Variants in CALN1 observed in about 807,000 individuals in gnomAD.
CALN1 encodes calneuron 1, also known as calcium-binding protein 8.
In CALN1, 17 loss-of-function variants were observed where a neutral mutation model predicts 30.6. The observed-to-expected ratio is 0.56, with a 90% CI of 0.38 to 0.83. The LOEUF is 0.83. CALN1 is among the 40% of genes least tolerant of loss of function. CALN1 has a pLI of 0.00. For synonymous variants in CALN1, 156 were observed against 131.4 expected, an observed-to-expected ratio of 1.19 and a Z score of -1.28; for missense variants, 291 against 354.9, an observed-to-expected ratio of 0.82 and a Z score of 1.45.
intron 1 of CALN1, among the ~76,000 whole-genome samples, chr7:72,423,220 T>G (rs1807675828): frequency 6.6e-6 from 1 of 152,234 alleles, no homozygotes; most frequent in African/African-American, 2.4e-5. Context: ...CTTGTACTAT[T>G]GTATTTTTCT....
chr7:72,129,179 A>G (rs1461409555), intron 3 of CALN1, among the ~76,000 whole-genome samples: 1 of 152,236 alleles, frequency 6.6e-6, no homozygotes, highest in Non-Finnish European at 1.5e-5. Flanking sequence ...TTGTATACTT[A>G]TATTTCACCT....
chr7:71,897,382 AAG>A (rs1793588342), intron 5 of CALN1, among the ~76,000 whole-genome samples: 1 of 152,196 alleles, frequency 6.6e-6, no homozygotes, highest in African/African-American at 2.4e-5. Flanking sequence ...CTGAGCTTGT[AAG>A]AGAGAAAGAA....
At chr7:72,394,104 G>A (rs1045536356) in intron 2 of CALN1, among the ~76,000 whole-genome samples, 7 of 152,132 alleles carry the variant, frequency 4.6e-5, no homozygotes, top group Non-Finnish European at 7.3e-5. Context: ...TAATATGTAT[G>A]GTGGAGTGCA....
chr7:71,810,755 T>C (rs1787901792), intron 5 of CALN1, among the ~76,000 whole-genome samples: 2 of 152,220 alleles, frequency 1.3e-5, no homozygotes, highest in Admixed American at 1.3e-4. Flanking sequence ...TCTGGTTTCC[T>C]ATTCATCCAG....
At chr7:72,413,016 C>T (rs1807275474), upstream of CALN1, among the ~76,000 whole-genome samples, 1 of 152,218 alleles carries the variant, frequency 6.6e-6, no homozygotes, top group Non-Finnish European at 1.5e-5. Flanking sequence ...TGGAGTAGGC[C>T]AGTGGCTGGT....
At chr7:72,299,976 G>A (rs528097742) in intron 2 of CALN1, among the ~76,000 whole-genome samples, 1 of 151,910 alleles carries the variant, frequency 6.6e-6, no homozygotes, top group Non-Finnish European at 1.5e-5. Flanking sequence ...CTGCCTCCCC[G>A]GTTTAAGCAT....
chr7:72,246,417 T>C (rs1795159994), intron 3 of CALN1, among the ~76,000 whole-genome samples: 1 of 152,138 alleles, frequency 6.6e-6, no homozygotes, highest in Non-Finnish European at 1.5e-5. Context: ...CTTGGTGATG[T>C]CCCTTGGAGA....
At chr7:72,186,050 G>A (rs1401733501) in intron 3 of CALN1, among the ~76,000 whole-genome samples, 1 of 152,062 alleles carries the variant, frequency 6.6e-6, no homozygotes, top group Non-Finnish European at 1.5e-5. Context: ...AAGGCCGGAG[G>A]GTGAGAGAAG....
intron 5 of CALN1, among the ~76,000 whole-genome samples, chr7:71,842,002 A>T (rs1296017680): frequency 6.6e-6 from 1 of 151,968 alleles, no homozygotes; most frequent in East Asian, 1.9e-4. Context: ...GAATCTAAAA[A>T]AGAAAAAAAA....
At chr7:72,115,789 T>A (rs565250763) in intron 3 of CALN1, among the ~76,000 whole-genome samples, 3 of 151,890 alleles carry the variant, frequency 2.0e-5, no homozygotes, top group Admixed American at 6.6e-5. Flanking sequence ...CCCGGCCATA[T>A]ACATTCTTTT....
chr7:72,048,885 G>A (rs973533476), intron 4 of CALN1, among the ~76,000 whole-genome samples: 1 of 151,608 alleles, frequency 6.6e-6, no homozygotes, highest in Non-Finnish European at 1.5e-5. Context: ...ATAGCTCTCT[G>A]CAGCCACCTC....
At chr7:72,261,675 G>T (rs1371555674) in intron 3 of CALN1, among the ~76,000 whole-genome samples, 2 of 152,110 alleles carry the variant, frequency 1.3e-5, no homozygotes, top group Non-Finnish European at 2.9e-5. Flanking sequence ...TAATCCTCCT[G>T]CCTCGGCCTC....
At chr7:72,287,810 G>C (rs989260838) in intron 2 of CALN1, among the ~76,000 whole-genome samples, 1 of 152,034 alleles carries the variant, frequency 6.6e-6, no homozygotes, top group African/African-American at 2.4e-5. Context: ...ATGGAAAAGT[G>C]TGCTGCAATG....
At chr7:71,924,481 T>C (rs1795155827) in intron 5 of CALN1, among the ~76,000 whole-genome samples, 3 of 152,142 alleles carry the variant, frequency 2.0e-5, no homozygotes, top group South Asian at 4.1e-4. Context: ...ACCTATGAAA[T>C]TCTTATCCAT....
At chr7:71,980,719 T>C (rs1036057546) in intron 5 of CALN1, among the ~76,000 whole-genome samples, 2 of 152,146 alleles carry the variant, frequency 1.3e-5, no homozygotes, top group African/African-American at 4.8e-5. Flanking sequence ...ATCATTTCTA[T>C]AGGCCAAAAA....
At chr7:72,347,768 G>C (rs759220414) in intron 2 of CALN1, among the ~76,000 whole-genome samples, 4 of 152,136 alleles carry the variant, frequency 2.6e-5, no homozygotes, top group Non-Finnish European at 5.9e-5. Flanking sequence ...CCACTAAAAA[G>C]AAAACGGACC....
intron 2 of CALN1, among the ~76,000 whole-genome samples, chr7:72,396,645 C>T (rs1805981921): frequency 6.6e-6 from 1 of 151,922 alleles, no homozygotes; most frequent in Non-Finnish European, 1.5e-5. Flanking sequence ...CAGAGAGGGG[C>T]AAAGACAGAG....
chr7:72,183,822 G>A (rs979063289), intron 3 of CALN1, among the ~76,000 whole-genome samples: 9 of 152,206 alleles, frequency 5.9e-5, no homozygotes, highest in African/African-American at 2.2e-4. Flanking sequence ...ATGCCAGGAT[G>A]CCGTCCTTAG....
chr7:72,068,773 G>A (rs1473934257), intron 4 of CALN1, among the ~76,000 whole-genome samples: 3 of 152,206 alleles, frequency 2.0e-5, no homozygotes. Context: ...TTACAGGCAT[G>A]AGCCACCGCA....
Sources: gnomAD v4.1 joint callset for allele counts (sites outside exome capture counted in the v4.1 genomes callset) on GRCh38, gnomAD v4.1.1 for gene constraint, MANE v1.5 for transcripts, NCBI Gene and HGNC (gene_info 2026-07-23, HGNC 2026-07-21) for gene names.